Variants in ATXN7L1 observed in about 807,000 individuals in gnomAD.
The protein encoded by ATXN7L1 is ataxin-7-like protein 1.
ATXN7L1 carries 15 observed loss-of-function variants against 70.8 expected under a neutral mutation model. The observed-to-expected ratio is 0.21, with a 90% CI of 0.14 to 0.33. The LOEUF (loss-of-function observed/expected upper bound fraction) is 0.33, where lower values mean the gene tolerates loss of function less well. Among genes scored for constraint, ATXN7L1 ranks in the 10% least tolerant of loss-of-function variants. The pLI is 1.00. For missense variants in ATXN7L1, 975 were observed against 1,097.1 expected, an observed-to-expected ratio of 0.89 and a Z score of 1.57; for synonymous variants, 440 against 445.1, an observed-to-expected ratio of 0.99 and a Z score of 0.14.
chr7:105,608,029 C>T, intron 11 of ATXN7L1, 139 bp from the exon 12 acceptor site: 1 of 768,604 alleles, frequency 1.3e-6, no homozygotes, highest in Non-Finnish European at 2.2e-6. Context: ...CAAAGGGCAG[C>T]TGGAATAGCA....
At position 105,740,784 on chromosome 7, in the gene ATXN7L1, T is replaced by TTTTTTTTTTTTTTTTTTTTTTTGAGAC. The variant is rs556048408; in HGVS notation, c.355+47819_355+47820insGTCTCAAAAAAAAAAAAAAAAAAAAAA. Reference sequence around the variant, plus strand: ...GGCTCCATTCATTTTTTTTTTTTTTTAATGGAGTCTCACTCTGTCGCCCAG... The same window carrying TTTTTTTTTTTTTTTTTTTTTTTGAGAC: ...GGCTCCATTCATTTTTTTTTTTTTTTTTTTTTTTTTTTTTTTTTTTTTGAGACAATGGAGTCTCACTCTGTCGCCCAG... On this transcript the variant is annotated intron_variant, in intron 3 of 11. Transcript: ENST00000419735. Among the ~76,000 whole-genome samples, 2 of 77,926 alleles carry TTTTTTTTTTTTTTTTTTTTTTTGAGAC rather than the reference T, an allele frequency of 2.6e-5. 1 individual carries two copies. Among genetic ancestry groups the TTTTTTTTTTTTTTTTTTTTTTTGAGAC allele is most frequent in the African/African-American group, 1.2e-4 (2 of 16,332 alleles). 51.1% of individuals were successfully genotyped at this position (77,926 alleles called of 152,430 possible).
At chr7:105,700,976 C>T (rs1292700798) in intron 3 of ATXN7L1, among the ~76,000 whole-genome samples, 1 of 152,206 alleles carries the variant, frequency 6.6e-6, no homozygotes, top group African/African-American at 2.4e-5. Context: ...GCTACTGCGG[C>T]CGGCCCCTGT....
chr7:105,764,232 CT>C (rs1195415200), intron 3 of ATXN7L1, among the ~76,000 whole-genome samples: 2 of 151,776 alleles, frequency 1.3e-5, no homozygotes, highest in Non-Finnish European at 2.9e-5. Context: ...CAAAATCAAT[CT>C]CAGTTTAACG....
chr7:105,711,160 C>G (rs1241950192), intron 3 of ATXN7L1, among the ~76,000 whole-genome samples: 2 of 152,132 alleles, frequency 1.3e-5, no homozygotes, highest in Non-Finnish European at 1.5e-5. Flanking sequence ...AAACCATTAT[C>G]AAACAGCAAG....
At chr7:105,853,300 G>T (rs1296813106) in intron 2 of ATXN7L1, among the ~76,000 whole-genome samples, 1 of 152,256 alleles carries the variant, frequency 6.6e-6, no homozygotes, top group Non-Finnish European at 1.5e-5. Flanking sequence ...TGTAATCCCA[G>T]CACTCTGGGA....
At position 105,671,556 on chromosome 7, in the gene ATXN7L1, C is replaced by A. The variant is rs116524680; in HGVS notation, c.356-6268G>T. ...TCAGTGAATGATCTTCAGCCAGCAA[C>A]CTCTGCTCTCACCCGTTCTGTCCTT... On this transcript the variant is annotated intron_variant, in intron 3 of 11. Coordinates refer to ENST00000419735, the MANE Select transcript of ATXN7L1 (RefSeq NM_020725.2). 6.3e-3 allele frequency among the ~76,000 whole-genome samples: 964 copies of A among 151,898 alleles called. 14 individuals carry two copies. The highest frequency in any genetic ancestry group is 0.022 in the African/African-American group (919 of 41,408).
rs150040831 is a variant in ATXN7L1 at position 105,663,136 on chromosome 7, C to T, written c.578+1930G>A. On this transcript the variant is annotated intron_variant, in intron 4 of 11. Transcript: ENST00000419735. ...TAAACTCTCAGGCACATTCTCAGGT[C>T]ACAGATAAGACGGATTGCAGGTTAG... 8.6e-4 allele frequency among the ~76,000 whole-genome samples: 131 copies of T among 152,342 alleles called. 2 individuals carry two copies. Among genetic ancestry groups the T allele is most frequent in the African/African-American group, 2.6e-3 (110 of 41,588 alleles).
intron 2 of ATXN7L1, among the ~76,000 whole-genome samples, chr7:105,851,201 T>C (rs1473851615): frequency 6.6e-6 from 1 of 152,170 alleles, no homozygotes; most frequent in African/African-American, 2.4e-5. Context: ...ATCCCTAATC[T>C]TCCTAGGTCT....
At chr7:105,733,395 A>T (rs532272207) in intron 3 of ATXN7L1, among the ~76,000 whole-genome samples, 44 of 152,366 alleles carry the variant, frequency 2.9e-4, no homozygotes, top group African/African-American at 1.0e-3. Flanking sequence ...ACAAATATTT[A>T]CTGAGTGGGT....
chr7:105,647,154 C>T (rs1799167495), intron 4 of ATXN7L1, among the ~76,000 whole-genome samples: 1 of 152,104 alleles, frequency 6.6e-6, no homozygotes, highest in South Asian at 2.1e-4. Context: ...CTTTGTGAAG[C>T]CAAGTTAGTT....
intron 3 of ATXN7L1, among the ~76,000 whole-genome samples, chr7:105,704,584 CTTTTTTTTTT>C (rs11329205): frequency 0.017 from 1,516 of 89,496 alleles, 40 homozygotes; most frequent in African/African-American, 0.06. Context: ...GGTTTTATCT[CTTTTTTTTTT>C]TTTTTTTTTT....
Position 105,639,586 on chromosome 7 carries a change from AC to A in ATXN7L1, c.863-18del. Reference sequence around the variant, plus strand: ...ATTCTCTCTCTGGTTTAAGAAACAAACAAAAAATATAAGAAAAAAGGAGACT... The same window carrying A: ...ATTCTCTCTCTGGTTTAAGAAACAAAAAAAAATATAAGAAAAAAGGAGACT... On this transcript the variant is annotated intron_variant, in intron 5 of 11. Coordinates refer to ENST00000419735, the MANE Select transcript of ATXN7L1 (RefSeq NM_020725.2). 6.6e-7 allele frequency: 1 copy of A among 1,524,914 alleles called. No individual in the cohort carries two copies. The highest frequency in any genetic ancestry group is 8.9e-7 in the Non-Finnish European group (1 of 1,125,088). The allele number at this position is 1,524,914 out of a possible 1,614,324, so 94.5% of individuals were successfully genotyped here. A position where few individuals can be genotyped will look rare whatever the true frequency, so the allele number is the denominator to read the frequency against.
chr7:105,861,189 G>A (rs942987718), intron 2 of ATXN7L1, among the ~76,000 whole-genome samples: 16 of 152,276 alleles, frequency 1.1e-4, no homozygotes, highest in African/African-American at 3.6e-4. Context: ...GCTGCAAAGG[G>A]CAGGCCACCT....
Position 105,606,561 on chromosome 7 carries a change from T to A in ATXN7L1, c.*1291A>T, listed in dbSNP as rs1187080595. On this transcript the variant is annotated 3_prime_UTR_variant, in exon 12 of 12. Transcript: ENST00000419735. ...TGTGAATTCCTTTCCTGATTATGAT[T>A]CCCTACTAGAGCTTATGGTATTGCT... is the stretch of plus-strand genomic sequence containing the variant. 6.6e-6 allele frequency: 1 copy of A among 152,242 alleles called. No homozygotes were observed. The highest frequency in any genetic ancestry group is 1.5e-5 in the Non-Finnish European group (1 of 68,048). The allele number at this position is 152,242 out of a possible 1,614,324, so 9.4% of individuals were successfully genotyped here.
chr7:105,757,341 T>G (rs1799927561), intron 3 of ATXN7L1, among the ~76,000 whole-genome samples: 1 of 152,210 alleles, frequency 6.6e-6, no homozygotes, highest in Non-Finnish European at 1.5e-5. Context: ...GATATCTTCC[T>G]TGGGCTCAGG....
rs115212196 is a variant in ATXN7L1, at chr7:105,689,222, C to T, written c.356-23934G>A. ...CTGCTGCTAAGGTGCCCAGCTGCCC[C>T]GGATCAATTAAGTTTAAACAGCAGC... On this transcript the variant is annotated intron_variant, in intron 3 of 11. Transcript: ENST00000419735. Among the ~76,000 whole-genome samples the T allele has an allele frequency of 6.5e-3, 995 of 152,188 alleles. 12 individuals carry two copies. The highest frequency in any genetic ancestry group is 0.023 in the African/African-American group (936 of 41,524).
At chr7:105,815,709 T>C (rs1350503990) in intron 2 of ATXN7L1, among the ~76,000 whole-genome samples, 1 of 152,058 alleles carries the variant, frequency 6.6e-6, no homozygotes, top group African/African-American at 2.4e-5. Context: ...TAGGAAGAAA[T>C]AGGTCCAAGA....
intron 2 of ATXN7L1, among the ~76,000 whole-genome samples, chr7:105,793,253 G>A (rs1478347548): frequency 6.6e-6 from 1 of 152,240 alleles, no homozygotes; most frequent in Admixed American, 6.5e-5. Flanking sequence ...TGGGAGCAGA[G>A]GGCTCATTGC....
chr7:105,707,389 G>A (rs754018368), intron 3 of ATXN7L1, among the ~76,000 whole-genome samples: 3 of 152,130 alleles, frequency 2.0e-5, no homozygotes, highest in African/African-American at 4.8e-5. Context: ...ATGGGCTCAC[G>A]GAACCAAGAG....
Sources: gnomAD v4.1 joint callset for allele counts (sites outside exome capture counted in the v4.1 genomes callset) on GRCh38, gnomAD v4.1.1 for gene constraint, MANE v1.5 for transcripts, NCBI Gene and HGNC (gene_info 2026-07-23, HGNC 2026-07-21) for gene names.